The following SLC4A10 variants were observed in gnomAD, a reference collection of about 807,000 sequenced individuals.
SLC4A10 encodes sodium-driven chloride bicarbonate exchanger.
In SLC4A10, 42 loss-of-function variants were observed where a neutral mutation model predicts 137.7. That is an observed-to-expected ratio of 0.30 (90% CI 0.24 to 0.39). The LOEUF is 0.39. Among genes scored for constraint, SLC4A10 ranks in the 10% least tolerant of loss-of-function variants. SLC4A10 has a pLI of 1.00. For synonymous variants in SLC4A10, 474 were observed against 464.1 expected, an observed-to-expected ratio of 1.02 and a Z score of -0.27; for missense variants, 925 against 1,355.0, an observed-to-expected ratio of 0.68 and a Z score of 4.98.
chr2:161,975,144 A>G (rs1699187152), intron 24 of SLC4A10, among the ~76,000 whole-genome samples: 1 of 152,224 alleles, frequency 6.6e-6, no homozygotes, highest in East Asian at 1.9e-4. Context: ...CCTAGAATTT[A>G]AGAAAATGTG....
intron 1 of SLC4A10, among the ~76,000 whole-genome samples, chr2:161,656,743 G>T (rs781303266): frequency 6.6e-6 from 1 of 152,044 alleles, no homozygotes; most frequent in Non-Finnish European, 1.5e-5. Flanking sequence ...TTGAACTTAG[G>T]CCTGAGAATT....
intron 3 of SLC4A10, among the ~76,000 whole-genome samples, chr2:161,834,735 C>G (rs1013580421): frequency 6.6e-6 from 1 of 151,592 alleles, no homozygotes; most frequent in African/African-American, 2.4e-5. Flanking sequence ...TCTTCTTTAC[C>G]CCTCTTTCTA....
At chr2:161,904,735 T>C in intron 13 of SLC4A10, 41 bp from the exon 14 acceptor site, 1 of 1,610,590 alleles carries the variant, frequency 6.2e-7, no homozygotes, top group Non-Finnish European at 8.5e-7. Context: ...AATGGCCTCC[T>C]GTACAGCTTA....
intron 15 of SLC4A10, among the ~76,000 whole-genome samples, chr2:161,929,882 T>A (rs1369582692): frequency 6.6e-6 from 1 of 152,214 alleles, no homozygotes; most frequent in African/African-American, 2.4e-5. Flanking sequence ...CATTCTGGTT[T>A]TTAATTTTTT....
chr2:161,628,009 T>G (rs961827212), intron 1 of SLC4A10, among the ~76,000 whole-genome samples: 1 of 152,120 alleles, frequency 6.6e-6, no homozygotes, highest in Non-Finnish European at 1.5e-5. Context: ...TATAACCTTT[T>G]TGATATGGAT....
At chr2:161,862,043 A>T (rs1377575935) in intron 5 of SLC4A10, among the ~76,000 whole-genome samples, 1 of 152,234 alleles carries the variant, frequency 6.6e-6, no homozygotes, top group African/African-American at 2.4e-5. Flanking sequence ...AAAGCAGATT[A>T]ATTACACAAA....
In SLC4A10 at chr2:161,804,480, G is replaced by A. The variant is rs747744105; in HGVS notation, c.162G>A (p.Val54=). ...GAACACTATTTATTGGAGTACATGT[G>A]CCCTTGGGAGGAAGAAAAAGCCATC... is the stretch of plus-strand genomic sequence containing the variant. The part of the protein sequence containing the change: ...GHRTLFIGVH[V]PLGGRKSHRR... The change falls in exon 3 of 27, where the codon GTG becomes GTA. Residue 54 remains valine (V), a synonymous_variant. Transcript: ENST00000446997. The A allele has an allele frequency of 1.2e-6, 2 of 1,612,832 alleles. No homozygotes were observed. Among genetic ancestry groups the A allele is most frequent in the South Asian group, 2.2e-5 (2 of 91,006 alleles).
At chr2:161,816,769 G>T (rs1481513195) in intron 3 of SLC4A10, among the ~76,000 whole-genome samples, 1 of 151,816 alleles carries the variant, frequency 6.6e-6, no homozygotes, top group Non-Finnish European at 1.5e-5. Flanking sequence ...TGAGAATGAT[G>T]GTTTCCAGCT....
intron 15 of SLC4A10, among the ~76,000 whole-genome samples, chr2:161,917,575 CTA>C (rs375438981): frequency 0.054 from 7,310 of 135,860 alleles, 230 homozygotes; most frequent in Non-Finnish European, 0.072. Context: ...GAGACCCTGT[CTA>C]AAAAAAAAAA....
intron 9 of SLC4A10, among the ~76,000 whole-genome samples, chr2:161,880,710 A>G (rs908946332): frequency 8.5e-5 from 13 of 152,108 alleles, no homozygotes; most frequent in Admixed American, 7.2e-4. Context: ...TCTGGGATTT[A>G]TATCTAAGAT....
intron 3 of SLC4A10, among the ~76,000 whole-genome samples, chr2:161,810,956 G>T (rs1462414418): frequency 6.6e-6 from 1 of 152,036 alleles, no homozygotes; most frequent in African/African-American, 2.4e-5. Flanking sequence ...GTTCTTCTTT[G>T]TAACTCTAGT....
chr2:161,910,886 A>AGTTCT (rs1685674937), intron 15 of SLC4A10, among the ~76,000 whole-genome samples: 1 of 152,024 alleles, frequency 6.6e-6, no homozygotes, highest in Non-Finnish European at 1.5e-5. Flanking sequence ...AAAGTAGAAA[A>AGTTCT]CATTTAACAA....
chr2:161,874,759 A>G (rs942229792), intron 8 of SLC4A10, among the ~76,000 whole-genome samples: 2 of 152,198 alleles, frequency 1.3e-5, no homozygotes, highest in Non-Finnish European at 2.9e-5. Flanking sequence ...GAGATCTTGA[A>G]TCCCAACTCT....
At chr2:161,826,904 C>T (rs1475500040) in intron 3 of SLC4A10, among the ~76,000 whole-genome samples, 4 of 152,152 alleles carry the variant, frequency 2.6e-5, no homozygotes, top group Non-Finnish European at 5.9e-5. Flanking sequence ...CACCCTACAA[C>T]ATCCAACATT....
At chr2:161,699,068 GGAGTGCAGTGGCGC>G (rs2042861655) in intron 1 of SLC4A10, among the ~76,000 whole-genome samples, 1 of 152,132 alleles carries the variant, frequency 6.6e-6, no homozygotes, top group Non-Finnish European at 1.5e-5. Flanking sequence ...CGCCCAGGCT[GGAGTGCAGTGGCGC>G]GATCTCAGCT....
At chr2:161,897,502 C>T (rs952100483) in intron 11 of SLC4A10, among the ~76,000 whole-genome samples, 1 of 152,104 alleles carries the variant, frequency 6.6e-6, no homozygotes, top group Non-Finnish European at 1.5e-5. Context: ...TTGTACCACT[C>T]AACCATGAGT....
intron 18 of SLC4A10, 22 bp downstream of exon 18, chr2:161,949,283 C>T: frequency 6.9e-7 from 1 of 1,440,954 alleles, no homozygotes; most frequent in Non-Finnish European, 9.8e-7. Flanking sequence ...CTCTCTCCCT[C>T]TTCCCATCTC....
intron 3 of SLC4A10, among the ~76,000 whole-genome samples, chr2:161,832,758 T>TC (rs60462167): frequency 1.1e-4 from 17 of 151,294 alleles, no homozygotes; most frequent in African/African-American, 4.1e-4. Context: ...GTTTTGTTTT[T>TC]CAGACAGAGT....
At chr2:161,664,779 G>A (rs367854876) in intron 1 of SLC4A10, among the ~76,000 whole-genome samples, 2 of 149,702 alleles carry the variant, frequency 1.3e-5, no homozygotes, top group South Asian at 4.2e-4. Flanking sequence ...TACCATATTT[G>A]CTTTTATGGG....
Sources: allele counts gnomAD v4.1 joint callset (sites outside exome capture counted in the v4.1 genomes callset), GRCh38; gene constraint gnomAD v4.1.1; transcripts MANE v1.5; gene names NCBI Gene and HGNC (gene_info 2026-07-23, HGNC 2026-07-21).